KDM4A: variants seen among roughly 807,000 people sequenced by gnomAD.
KDM4A encodes lysine demethylase 4A.
In KDM4A, 23 loss-of-function variants were observed where a neutral mutation model predicts 127.1. The ratio of observed to expected loss-of-function variants is 0.18; its 90% CI spans 0.13 to 0.26. The LOEUF (loss-of-function observed/expected upper bound fraction) is 0.26, where lower values mean the gene tolerates loss of function less well. Ranked by LOEUF, KDM4A falls within the 10% of genes least tolerant of loss-of-function variation. KDM4A has a pLI of 1.00. For missense variants in KDM4A, 890 were observed against 1,329.1 expected (o/e 0.67, Z 5.14); for synonymous variants, 443 against 466.5 (o/e 0.95, Z 0.65).
intron 9 of KDM4A, 38 bp downstream of exon 9, chr1:43,668,057 A>C (rs1660538216): frequency 6.2e-7 from 1 of 1,610,772 alleles, no homozygotes. Context: ...TGCGTGAGGG[A>C]GGGATGTCTG....
In KDM4A at chr1:43,690,845, G is replaced by A. The variant is rs766605463; in HGVS notation, c.2038G>A (p.Val680Ile). Reference sequence around the variant, plus strand: ...GTGTACACTTGTTCTTTCCCCTTAGGTTGAATTTGGAGGCTTTAATCAGAA... The same window carrying A: ...GTGTACACTTGTTCTTTCCCCTTAGATTGAATTTGGAGGCTTTAATCAGAA... Reference protein sequence around the residue: ...VCMIFQTYHQVEFGGFNQNCG... With the variant: ...VCMIFQTYHQIEFGGFNQNCG... The change falls in exon 14 of 22, where the codon GTT becomes ATT. Residue 680 changes from valine (V) to isoleucine (I), a missense_variant and splice_region_variant. Val to Ile is a conservative substitution (Grantham distance 29). Around this residue, in one of 7 missense-constraint regions of KDM4A, gnomAD observed 389 missense variants for 485.9 expected, o/e 0.80. Transcript: ENST00000372396. 2.5e-6 allele frequency: 4 copies of A among 1,614,146 alleles called. No homozygotes were observed. The East Asian group carries it at 6.7e-5, about 27-fold the overall frequency.
chr1:43,684,479 G>A (rs1660925339), intron 12 of KDM4A, among the ~76,000 whole-genome samples: 1 of 152,160 alleles, frequency 6.6e-6, no homozygotes, highest in South Asian at 2.1e-4. Flanking sequence ...CTCCAGCCTG[G>A]GCGACAGAGC....
intron 10 of KDM4A, 44 bp downstream of exon 10, chr1:43,669,343 T>C (rs759750409): frequency 2.5e-6 from 4 of 1,575,006 alleles, no homozygotes; most frequent in South Asian, 1.1e-5. Flanking sequence ...AACTCATATA[T>C]GTGTCCCGTG....
chr1:43,665,179 A>G (rs1043227712), intron 5 of KDM4A, among the ~76,000 whole-genome samples: 1 of 152,198 alleles, frequency 6.6e-6, no homozygotes, highest in Non-Finnish European at 1.5e-5. Flanking sequence ...GGTAATCAGT[A>G]TATGTAGCTG....
chr1:43,662,804 A>G (rs550672241), intron 4 of KDM4A, 90 bp from the exon 5 acceptor site: 3 of 1,077,804 alleles, frequency 2.8e-6, no homozygotes, highest in South Asian at 3.1e-5. Flanking sequence ...CAGAGATGAC[A>G]GCTTACTTGT....
intron 10 of KDM4A, among the ~76,000 whole-genome samples, chr1:43,669,751 C>T (rs942285179): frequency 8.6e-5 from 13 of 151,460 alleles, no homozygotes; most frequent in Admixed American, 7.9e-4. Context: ...TGGGTTCAAG[C>T]GATTCTCCTG....
Position 43,666,994 on chromosome 1 carries a change from A to G in KDM4A, c.818A>G (p.Tyr273Cys), listed in dbSNP as rs1369068495. Residue 273 changes from tyrosine (Y) to cysteine (C), a missense_variant, in exon 8 of 22, where the codon TAT becomes TGT. Physicochemically the swap from Tyr to Cys is radical, Grantham distance 194. Transcript: ENST00000372396. Reference protein sequence around the residue: ...EAGEFMITFPYGYHAGFNHGF... With the variant: ...EAGEFMITFPCGYHAGFNHGF... ...GGAGAGTTTATGATCACTTTCCCTTATGGTTACCATGCCGGCTTTAACCAT... is the reference window on the plus strand; with the variant it reads ...GGAGAGTTTATGATCACTTTCCCTTGTGGTTACCATGCCGGCTTTAACCAT... 1 of 1,614,068 alleles carries G rather than the reference A, an allele frequency of 6.2e-7. No individual in the cohort carries two copies. The highest frequency in any genetic ancestry group is 8.5e-7 in the Non-Finnish European group (1 of 1,179,974).
intron 13 of KDM4A, chr1:43,690,554 T>G: frequency 2.2e-6 from 1 of 453,406 alleles, no homozygotes; most frequent in Non-Finnish European, 4.1e-6. Context: ...GGCCTCTCAG[T>G]GCATTTTATT....
At chr1:43,666,839 C>T (rs1040522538) in intron 7 of KDM4A, 115 bp from the exon 8 acceptor site, 2 of 1,024,468 alleles carry the variant, frequency 2.0e-6, no homozygotes, top group African/African-American at 3.2e-5. Flanking sequence ...GCAAGGACCC[C>T]AGGGGTTTTA....
chr1:43,665,631 G>A (rs1570826911), intron 5 of KDM4A, 65 bp from the exon 6 acceptor site: 1 of 1,489,360 alleles, frequency 6.7e-7, no homozygotes, highest in Admixed American at 1.7e-5. Context: ...TTGAGAGTGG[G>A]AATAAGTCCC....
chr1:43,679,780 A>G (rs567085990), intron 11 of KDM4A, among the ~76,000 whole-genome samples: 1 of 152,314 alleles, frequency 6.6e-6, no homozygotes, highest in South Asian at 2.1e-4. Context: ...TGGGAGAACA[A>G]TTGGTTCTTC....
intron 11 of KDM4A, among the ~76,000 whole-genome samples, chr1:43,674,677 T>C (rs997585311): frequency 5.9e-5 from 9 of 151,942 alleles, no homozygotes; most frequent in African/African-American, 1.2e-4. Flanking sequence ...CCACCACTCC[T>C]GGTTAATTTT....
At chr1:43,690,137 A>G (rs1200786819) in intron 13 of KDM4A, among the ~76,000 whole-genome samples, 3 of 152,232 alleles carry the variant, frequency 2.0e-5, no homozygotes, top group African/African-American at 7.2e-5. Context: ...TGAGCCAGGA[A>G]TCACACAGGT....
At chr1:43,671,344 A>C (rs111253210) in intron 10 of KDM4A, among the ~76,000 whole-genome samples, 161 bp from the exon 11 acceptor site, 54 of 152,282 alleles carry the variant, frequency 3.5e-4, no homozygotes, top group African/African-American at 1.3e-3. Context: ...CAGGAGGCTG[A>C]GCAAATAGCC....
At chr1:43,682,761 T>C (rs891280444) in intron 11 of KDM4A, among the ~76,000 whole-genome samples, 1 of 152,260 alleles carries the variant, frequency 6.6e-6, no homozygotes, top group African/African-American at 2.4e-5. Context: ...CCTGGGGCTC[T>C]GTGTAGTTGC....
chr1:43,690,370 G>C (rs982522440), intron 13 of KDM4A, among the ~76,000 whole-genome samples: 1 of 152,040 alleles, frequency 6.6e-6, no homozygotes, highest in East Asian at 1.9e-4. Flanking sequence ...TGCCCAGGCT[G>C]GAGTGCAGCT....
intron 6 of KDM4A, chr1:43,666,243 C>A: frequency 1.9e-6 from 1 of 522,526 alleles, no homozygotes; most frequent in East Asian, 3.1e-5. Flanking sequence ...AACAGGATTT[C>A]ATTACCCACG....
intron 13 of KDM4A, among the ~76,000 whole-genome samples, chr1:43,689,468 C>T (rs144810741): frequency 8.8e-4 from 134 of 152,346 alleles, no homozygotes; most frequent in African/African-American, 3.0e-3. Context: ...GTCTGAACCT[C>T]AGCTGAAAAG....
At chr1:43,674,747 T>C (rs552272848) in intron 11 of KDM4A, among the ~76,000 whole-genome samples, 23 of 152,154 alleles carry the variant, frequency 1.5e-4, no homozygotes, top group Admixed American at 1.2e-3. Context: ...CTGTAACTCC[T>C]GAGTGCCCGC....
Sources: gnomAD v4.1 joint callset for allele counts (sites outside exome capture counted in the v4.1 genomes callset) on GRCh38, gnomAD v4.1.1 for gene constraint, gnomAD v4.1.1 regional missense constraint, MANE v1.5 for transcripts, NCBI Gene and HGNC (gene_info 2026-07-23, HGNC 2026-07-21) for gene names.